ACADL: variants seen among roughly 807,000 people sequenced by gnomAD.
ACADL encodes the protein long-chain specific acyl-CoA dehydrogenase, mitochondrial.
Under a neutral mutation model 56.9 loss-of-function variants are expected in ACADL, and 60 were observed. The ratio of observed to expected loss-of-function variants is 1.05; its 90% CI spans 0.86 to 1.31. The LOEUF (loss-of-function observed/expected upper bound fraction) is 1.31, where lower values mean the gene tolerates loss of function less well. Among genes scored for constraint, ACADL ranks in the 50% most tolerant of loss-of-function variants. The probability of loss-of-function intolerance (pLI) is 0.00; values close to 1 mark genes in which losing one functional copy is unlikely to be tolerated. For synonymous variants in ACADL, 158 were observed against 179.7 expected (o/e 0.88, Z 0.97); for missense variants, 484 against 525.5 (o/e 0.92, Z 0.77).
In ACADL at chr2:210,217,950, A is replaced by C. The variant is rs201854786; in HGVS notation, c.371+15T>G. On this transcript the variant is annotated intron_variant, in intron 3 of 10. Coordinates refer to ENST00000233710, the MANE Select transcript of ACADL (RefSeq NM_001608.4). ...TTACAAAACAAGACTCAACCTTAAA[A>C]GTCTCCATACTTACTGCTCCTCCCA... is the stretch of plus-strand genomic sequence containing the variant. 260 of 1,613,900 alleles carry C rather than the reference A, an allele frequency of 1.6e-4. No individual in the cohort carries two copies. The highest frequency in any genetic ancestry group is 2.1e-4 in the Non-Finnish European group (253 of 1,179,964).
chr2:210,188,974 A>G lies in ACADL; in HGVS notation c.1280T>C (p.Val427Ala). The G allele has an allele frequency of 6.2e-7, 1 of 1,612,768 alleles. No homozygotes were observed. The highest frequency in any genetic ancestry group is 8.5e-7 in the Non-Finnish European group (1 of 1,178,892). The change falls in exon 11 of 11, where the codon GTC becomes GCC. Residue 427 changes from valine to alanine, a missense_variant. Transcript: ENST00000233710. ...GTGGGCAGATGTCTACTTGTCAAAG[A>G]CAATCTCTCTTGCAATCAGCTCCTT... ...IMKELIAREI[V>A]FDK
At chr2:210,214,815 T>G (rs1469392395) in intron 4 of ACADL, among the ~76,000 whole-genome samples, 1 of 152,182 alleles carries the variant, frequency 6.6e-6, no homozygotes, top group East Asian at 1.9e-4. Context: ...AAGCAAATTT[T>G]AAGGAACAAG....
At chr2:210,218,722 G>A (rs912532055) in intron 2 of ACADL, among the ~76,000 whole-genome samples, 1 of 152,156 alleles carries the variant, frequency 6.6e-6, no homozygotes, top group Middle Eastern at 3.2e-3. Flanking sequence ...GTTATGGCAT[G>A]TTGTCATGGG....
Position 210,192,850 on chromosome 2 carries a change from G to A in ACADL, c.1153C>T (p.Gln385Ter), listed in dbSNP as rs768469986. ...LQNSVAYDCV[Q>*]LHGGWGYMWE... ...ATGTATCCCCAACCTCCATGGAGCT[G>A]TACACAGTCGTAAGCTACACTATTT... Residue 385 changes from glutamine (Q) to a stop codon, truncating the protein, a stop_gained, in exon 10 of 11, where the codon CAG becomes TAG. Coordinates refer to ENST00000233710, the MANE Select transcript of ACADL (RefSeq NM_001608.4). LOFTEE classifies it high-confidence loss of function. The A allele has an allele frequency of 1.9e-6, 3 of 1,613,776 alleles. No individual in the cohort carries two copies. Among genetic ancestry groups the A allele is most frequent in the Non-Finnish European group, 2.5e-6 (3 of 1,179,848 alleles).
At chr2:210,191,447 T>C (rs1688631620) in intron 10 of ACADL, among the ~76,000 whole-genome samples, 1 of 152,188 alleles carries the variant, frequency 6.6e-6, no homozygotes, top group African/African-American at 2.4e-5. Flanking sequence ...CCAAGGCTTA[T>C]GCCACGCTCT....
chr2:210,220,772 T>G lies in ACADL; in HGVS notation c.108A>C (p.Leu36=). Residue 36 remains leucine, a synonymous_variant, in exon 2 of 11, where the codon CTA becomes CTC. Transcript: ENST00000233710. ...RCSHSGGEER[L]ETPSAKKLTD... is the part of the protein sequence containing the mutation. Reference sequence around the variant, plus strand: ...TTAATTTTTTAGCAGAAGGAGTTTCTAGACGTTCTTCCCCTCCGGAATGAG... The same window carrying G: ...TTAATTTTTTAGCAGAAGGAGTTTCGAGACGTTCTTCCCCTCCGGAATGAG... 6.2e-7 allele frequency: 1 copy of G among 1,610,448 alleles called. No individual in the cohort carries two copies. Among genetic ancestry groups the G allele is most frequent in the Non-Finnish European group, 8.5e-7 (1 of 1,178,218 alleles).
Position 210,205,905 on chromosome 2 carries a change from T to G in ACADL, c.604-109A>C. 3 of 1,272,462 alleles carry G rather than the reference T, an allele frequency of 2.4e-6. No homozygotes were observed. The South Asian group carries it at 3.7e-5, about 16-fold the overall frequency. The allele number at this position is 1,272,462 out of a possible 1,614,324, so 78.8% of individuals were successfully genotyped here. A position where few individuals can be genotyped will look rare whatever the true frequency, so the allele number is the denominator to read the frequency against. On this transcript the variant is annotated intron_variant, in intron 5 of 10. Coordinates refer to ENST00000233710, the MANE Select transcript of ACADL (RefSeq NM_001608.4). The stretch of plus-strand genomic sequence containing the variant: ...GAAAACTAAAACAGACAAGACATGC[T>G]TGATACCTCTCTCTGTACCCTACCC...
intron 8 of ACADL, among the ~76,000 whole-genome samples, chr2:210,197,660 A>AT (rs1303417194): frequency 2.0e-5 from 3 of 152,100 alleles, no homozygotes; most frequent in East Asian, 3.9e-4. Flanking sequence ...GTCTCAAGAT[A>AT]TTTTTTTGCC....
In ACADL at chr2:210,225,385, A is replaced by C; in HGVS notation, c.-122T>G. 8.8e-7 allele frequency: 1 copy of C among 1,132,150 alleles called. No individual in the cohort carries two copies. The highest frequency in any genetic ancestry group is 1.2e-6 in the Non-Finnish European group (1 of 819,564). The allele number at this position is 1,132,150 out of a possible 1,614,324, so 70.1% of individuals were successfully genotyped here. A position where few individuals can be genotyped will look rare whatever the true frequency, so the allele number is the denominator to read the frequency against. On this transcript the variant is annotated 5_prime_UTR_variant, in exon 1 of 11. Coordinates refer to ENST00000233710, the MANE Select transcript of ACADL (RefSeq NM_001608.4). ...CGTCCACCTGTGGTGTCCTCCCAAAAAAGCGCTCGCGCGCGCCCTTCCGGA... is the reference window on the plus strand; with the variant it reads ...CGTCCACCTGTGGTGTCCTCCCAAACAAGCGCTCGCGCGCGCCCTTCCGGA...
chr2:210,219,837 T>C (rs1689145815), intron 2 of ACADL, among the ~76,000 whole-genome samples: 1 of 152,140 alleles, frequency 6.6e-6, no homozygotes, highest in African/African-American at 2.4e-5. Context: ...TATTTAATAC[T>C]TTACTACAAA....
At chr2:210,203,515 G>A (rs913284256) in intron 7 of ACADL, 71 bp from the exon 8 acceptor site, 16 of 911,606 alleles carry the variant, frequency 1.8e-5, no homozygotes, top group African/African-American at 1.3e-4. Flanking sequence ...TTTCAATTAC[G>A]ATAAATCCTA....
intron 1 of ACADL, among the ~76,000 whole-genome samples, chr2:210,222,513 A>G (rs955948614): frequency 6.6e-6 from 1 of 151,814 alleles, no homozygotes; most frequent in East Asian, 1.9e-4. Context: ...ACAAACAAAA[A>G]AAAAAAAAAA....
chr2:210,221,183 A>T (rs1044845952), intron 1 of ACADL, among the ~76,000 whole-genome samples: 2 of 152,228 alleles, frequency 1.3e-5, no homozygotes, highest in Admixed American at 6.5e-5. Context: ...CATATCATAT[A>T]CAATGTTTAA....
At chr2:210,219,074 TACTG>T (rs1246911277) in intron 2 of ACADL, among the ~76,000 whole-genome samples, 3 of 152,352 alleles carry the variant, frequency 2.0e-5, no homozygotes, top group South Asian at 2.1e-4. Context: ...TATTTGAAGA[TACTG>T]ACACTACAAA....
chr2:210,216,784 C>T (rs1689094340), intron 3 of ACADL: 2 of 376,910 alleles, frequency 5.3e-6, no homozygotes, highest in East Asian at 5.9e-5. Flanking sequence ...AGTTGTATTC[C>T]TCTAACACAG....
chr2:210,225,097 G>T, intron 1 of ACADL, 90 bp downstream of exon 1: 1 of 1,520,222 alleles, frequency 6.6e-7, no homozygotes, highest in East Asian at 2.5e-5. Context: ...CGCGCGCACC[G>T]CCCTGCTTCA....
At chr2:210,196,951 G>T (rs188672630) in intron 8 of ACADL, among the ~76,000 whole-genome samples, 2 of 152,288 alleles carry the variant, frequency 1.3e-5, no homozygotes, top group Non-Finnish European at 2.9e-5. Flanking sequence ...TACATGGTCT[G>T]CTTTTAATGC....
intron 10 of ACADL, among the ~76,000 whole-genome samples, chr2:210,192,050 A>G (rs1688641623): frequency 1.3e-5 from 2 of 152,190 alleles, no homozygotes; most frequent in South Asian, 4.1e-4. Context: ...TTTGAAGGAA[A>G]TAAATCTATT....
intron 1 of ACADL, among the ~76,000 whole-genome samples, chr2:210,221,027 G>A (rs538411886): frequency 9.9e-5 from 15 of 152,074 alleles, no homozygotes; most frequent in Middle Eastern, 3.4e-3. Context: ...TATTCAACTC[G>A]GTCTCCATCT....
Sources: allele counts gnomAD v4.1 joint callset (sites outside exome capture counted in the v4.1 genomes callset), GRCh38; gene constraint gnomAD v4.1.1; transcripts MANE v1.5; gene names NCBI Gene and HGNC (gene_info 2026-07-23, HGNC 2026-07-21).